Variants in CD46 observed in about 807,000 individuals in gnomAD.
The protein encoded by CD46 is membrane cofactor protein.
CD46 carries 30 observed loss-of-function variants against 53.3 expected under a neutral mutation model. The ratio of observed to expected loss-of-function variants is 0.56; its 90% CI spans 0.42 to 0.76. The LOEUF (loss-of-function observed/expected upper bound fraction) is 0.76, where lower values mean the gene tolerates loss of function less well. CD46 is among the 30% of genes least tolerant of loss of function. The pLI is 0.00. For missense variants in CD46, 409 were observed against 463.0 expected, an observed-to-expected ratio of 0.88 and a Z score of 1.07; for synonymous variants, 142 against 152.0, an observed-to-expected ratio of 0.93 and a Z score of 0.48.
At chr1:207,764,949 A>T (rs1656677117) in intron 5 of CD46, among the ~76,000 whole-genome samples, 4 of 152,230 alleles carry the variant, frequency 2.6e-5, no homozygotes, top group Admixed American at 2.6e-4. Context: ...CCATTTTATG[A>T]TGATAGCATT....
Position 207,759,717 on chromosome 1 carries a change from A to G in CD46, c.468A>G (p.Ile156Met), listed in dbSNP as rs761012360. 4 of 1,595,934 alleles carry G rather than the reference A, an allele frequency of 2.5e-6. No homozygotes were observed. Among genetic ancestry groups the G allele is most frequent in the East Asian group, 2.2e-5 (1 of 44,732 alleles). Residue 156 changes from isoleucine (I) to methionine (M), a missense_variant, in exon 4 of 13, where the codon ATA becomes ATG. Ile to Met is a conservative substitution (Grantham distance 10). Coordinates refer to ENST00000367042, the MANE Select transcript of CD46 (RefSeq NM_172351.3). ...SVAIWSGKPP[I>M]CEKVLCTPPP... ...CAATTTGGAGCGGTAAGCCCCCAATATGTGAAAGTAAGTAAATTCTTTTTT... is the reference window on the plus strand; with the variant it reads ...CAATTTGGAGCGGTAAGCCCCCAATGTGTGAAAGTAAGTAAATTCTTTTTT...
At chr1:207,764,557 T>C (rs1178217939) in intron 5 of CD46, among the ~76,000 whole-genome samples, 2 of 152,214 alleles carry the variant, frequency 1.3e-5, no homozygotes, top group Non-Finnish European at 2.9e-5. Context: ...GGTCATTCTT[T>C]AATATCAGTG....
chr1:207,765,603 C>G (rs1032593754), intron 5 of CD46, among the ~76,000 whole-genome samples: 13 of 152,248 alleles, frequency 8.5e-5, no homozygotes, highest in African/African-American at 2.9e-4. Context: ...TGTCTCTACT[C>G]ACAATGAGAT....
In CD46 at chr1:207,795,239, TTTGA is replaced by T. The variant is rs1284501713; in HGVS notation, c.*1765_*1768del. 1.3e-5 allele frequency: 2 copies of T among 152,174 alleles called. No homozygotes were observed. Among genetic ancestry groups the T allele is most frequent in the Admixed American group, 6.5e-5 (1 of 15,282 alleles). 9.4% of individuals were successfully genotyped at this position (152,174 alleles called of 1,614,324 possible). Reference sequence around the variant, plus strand: ...CTTGTATAGCAGTTTCTGCTTCACATTTGATTTTTTCAAATTTAATATTTATATT... The same window carrying T: ...CTTGTATAGCAGTTTCTGCTTCACATTTTTTTCAAATTTAATATTTATATT... On this transcript the variant is annotated 3_prime_UTR_variant, in exon 13 of 13. Coordinates refer to ENST00000367042, the MANE Select transcript of CD46 (RefSeq NM_172351.3).
intron 8 of CD46, among the ~76,000 whole-genome samples, chr1:207,774,470 C>T (rs1162194355): frequency 6.6e-6 from 1 of 152,226 alleles, no homozygotes; most frequent in Non-Finnish European, 1.5e-5. Flanking sequence ...GCAGTTTCTT[C>T]ATAGCATCGA....
chr1:207,767,176 A>G lies in CD46; in HGVS notation c.837A>G (p.Pro279=). 1 of 1,613,684 alleles carries G rather than the reference A, an allele frequency of 6.2e-7. No homozygotes were observed. Among genetic ancestry groups the G allele is most frequent in the Non-Finnish European group, 8.5e-7 (1 of 1,179,546 alleles). ...ACAGTAACAGTACTTGGGATCCCCC[A>G]GTTCCAAAGTGTCTTAAAGGTACAA... The part of the protein sequence containing the change: ...VCDSNSTWDP[P]VPKCLKVSTS... Residue 279 remains proline (P), a synonymous_variant, in exon 6 of 13, where the codon CCA becomes CCG. Transcript: ENST00000367042.
At chr1:207,779,082 G>C (rs1658435906) in intron 8 of CD46, among the ~76,000 whole-genome samples, 1 of 152,118 alleles carries the variant, frequency 6.6e-6, no homozygotes, top group South Asian at 2.1e-4. Context: ...TTGACTCTCA[G>C]TTTGGCTGTT....
Position 207,793,569 on chromosome 1 carries a change from C to G in CD46, c.*92C>G, listed in dbSNP as rs1336765844. 1 of 1,614,006 alleles carries G rather than the reference C, an allele frequency of 6.2e-7. No homozygotes were observed. The highest frequency in any genetic ancestry group is 1.7e-5 in the Admixed American group (1 of 60,024). On this transcript the variant is annotated 3_prime_UTR_variant, in exon 13 of 13. Transcript: ENST00000367042. Reference sequence around the variant, plus strand: ...GCCACTTACCAGACTAAATCAACCACTCCAGCAGAGCAGAGAGGCTGAATA... The same window carrying G: ...GCCACTTACCAGACTAAATCAACCAGTCCAGCAGAGCAGAGAGGCTGAATA...
At chr1:207,773,359 T>A (rs1430417477) in intron 8 of CD46, among the ~76,000 whole-genome samples, 1 of 152,240 alleles carries the variant, frequency 6.6e-6, no homozygotes, top group East Asian at 1.9e-4. Context: ...CTGGAATCAT[T>A]GAGTTTTTGA....
rs1231578725 is a variant in CD46 at position 207,779,913 on chromosome 1, C to T, written c.944-3379C>T. Among the ~76,000 whole-genome samples the T allele has an allele frequency of 8.5e-3, 530 of 62,322 alleles. 3 individuals carry two copies. Among genetic ancestry groups the T allele is most frequent in the Middle Eastern group, 0.034 (2 of 58 alleles). The allele number at this position is 62,322 out of a possible 152,430, so 40.9% of individuals were successfully genotyped here. ...TTCTATTCTTGTAGCAAAAGCAAGT[C>T]TTTTTTTTTTTTTTTTTTTACTGTA... On this transcript the variant is annotated intron_variant, in intron 8 of 12. Transcript: ENST00000367042.
chr1:207,770,111 A>G, intron 7 of CD46: 1 of 550,650 alleles, frequency 1.8e-6, no homozygotes, highest in Non-Finnish European at 3.3e-6. Flanking sequence ...TCCATTATAA[A>G]ATACAGAGTG....
rs1182488163 is a variant in CD46, at chr1:207,767,088, C to G, written c.749C>G (p.Ala250Gly). Residue 250 changes from alanine (A) to glycine (G), a missense_variant, in exon 6 of 13, where the codon GCA becomes GGA. Coordinates refer to ENST00000367042, the MANE Select transcript of CD46 (RefSeq NM_172351.3). ...TTTGGAAAAAAATTTTACTACAAAG[C>G]AACAGTTATGTTTGAATGCGATAAG... The part of the protein sequence containing the change: ...SGFGKKFYYK[A>G]TVMFECDKGF... 1 of 1,613,556 alleles carries G rather than the reference C, an allele frequency of 6.2e-7. No individual in the cohort carries two copies. Among genetic ancestry groups the G allele is most frequent in the Non-Finnish European group, 8.5e-7 (1 of 1,179,516 alleles).
rs1285991309 is a variant in CD46 at position 207,773,204 on chromosome 1, C to A, written c.943+2842C>A. 3.3e-5 allele frequency among the ~76,000 whole-genome samples: 5 copies of A among 152,150 alleles called. No individual in the cohort carries two copies. In the South Asian group the frequency reaches 1.0e-3, roughly 32 times the overall value. Reference sequence around the variant, plus strand: ...TTTGTGTAGAGGTGTTTATAGTATTCTCTGATGGTAGTTTGTATTTCTGTG... The same window carrying A: ...TTTGTGTAGAGGTGTTTATAGTATTATCTGATGGTAGTTTGTATTTCTGTG... On this transcript the variant is annotated intron_variant, in intron 8 of 12. Coordinates refer to ENST00000367042, the MANE Select transcript of CD46 (RefSeq NM_172351.3).
At chr1:207,786,407 A>C (rs923309563) in intron 11 of CD46, among the ~76,000 whole-genome samples, 1 of 152,232 alleles carries the variant, frequency 6.6e-6, no homozygotes, top group Non-Finnish European at 1.5e-5. Flanking sequence ...GTACAAGTAC[A>C]TATCTTCTAA....
chr1:207,776,749 C>T (rs1435209583), intron 8 of CD46, among the ~76,000 whole-genome samples: 1 of 152,220 alleles, frequency 6.6e-6, no homozygotes, highest in Non-Finnish European at 1.5e-5. Flanking sequence ...CCACCTCAGC[C>T]TCCCAGGTAG....
intron 12 of CD46, among the ~76,000 whole-genome samples, 155 bp from the exon 13 acceptor site, chr1:207,793,364 A>G (rs533379867): frequency 6.6e-6 from 1 of 152,360 alleles, no homozygotes; most frequent in Non-Finnish European, 1.5e-5. Flanking sequence ...CCAGTTGAAC[A>G]TTTGAAATTA....
chr1:207,769,389 G>C (rs1349959804), intron 7 of CD46: 3 of 152,194 alleles, frequency 2.0e-5, no homozygotes, highest in Admixed American at 2.0e-4. Context: ...AAACAAGATT[G>C]CATGTGAAAT....
intron 12 of CD46, 150 bp downstream of exon 12, chr1:207,790,495 A>G: frequency 1.7e-6 from 1 of 599,256 alleles, no homozygotes; most frequent in South Asian, 1.9e-5. Flanking sequence ...TAAATTATTG[A>G]TGTGTTCTTA....
At chr1:207,781,941 G>GA (rs146835484) in intron 8 of CD46, among the ~76,000 whole-genome samples, 3,474 of 144,556 alleles carry the variant, frequency 0.024, 128 homozygotes, top group African/African-American at 0.081. Flanking sequence ...TTCTATTTCA[G>GA]AAAAAAAAAA....
Sources: gnomAD v4.1 joint callset for allele counts (sites outside exome capture counted in the v4.1 genomes callset) on GRCh38, gnomAD v4.1.1 for gene constraint, MANE v1.5 for transcripts, NCBI Gene and HGNC (gene_info 2026-07-23, HGNC 2026-07-21) for gene names.